Variants in GRB2 observed in about 807,000 individuals in gnomAD.
GRB2 encodes growth factor receptor bound protein 2.
GRB2 carries 2 observed loss-of-function variants against 27.4 expected under a neutral mutation model. The observed-to-expected ratio is 0.07, with a 90% confidence interval of 0.03 to 0.23. The LOEUF (loss-of-function observed/expected upper bound fraction) is 0.23, where lower values mean the gene tolerates loss of function less well. Among genes scored for constraint, GRB2 ranks in the 10% least tolerant of loss-of-function variants. The probability of loss-of-function intolerance (pLI) is 1.00; values close to 1 mark genes in which losing one functional copy is unlikely to be tolerated. For missense variants in GRB2, 102 were observed against 282.4 expected (o/e 0.36, Z 4.58); for synonymous variants, 94 against 99.6 (o/e 0.94, Z 0.33).
intron 3 of GRB2, among the ~76,000 whole-genome samples, chr17:75,330,668 C>T (rs546698102): frequency 1.3e-5 from 2 of 151,250 alleles, no homozygotes; most frequent in South Asian, 2.1e-4. Flanking sequence ...AGCAGGATTC[C>T]GTCTCATAAA....
chr17:75,380,329 AAACT>A (rs779401467), intron 2 of GRB2, among the ~76,000 whole-genome samples: 3 of 144,760 alleles, frequency 2.1e-5, no homozygotes, highest in Non-Finnish European at 3.1e-5. Flanking sequence ...TCTGATTACA[AAACT>A]AATAGCTTGT....
At chr17:75,393,909 C>CT (rs1378450030) in intron 1 of GRB2, 144 bp from the exon 2 acceptor site, 6 of 486,998 alleles carry the variant, frequency 1.2e-5, no homozygotes, top group Non-Finnish European at 2.2e-5. Context: ...AACAGCCCCC[C>CT]CCCGCCGACT....
chr17:75,367,731 A>G (rs898397328), intron 2 of GRB2, among the ~76,000 whole-genome samples: 1 of 152,206 alleles, frequency 6.6e-6, no homozygotes, highest in Non-Finnish European at 1.5e-5. Flanking sequence ...CCTTTCTCCA[A>G]TTAGATAATT....
chr17:75,326,494 G>A (rs2078499604), intron 3 of GRB2, among the ~76,000 whole-genome samples: 1 of 152,232 alleles, frequency 6.6e-6, no homozygotes, highest in Non-Finnish European at 1.5e-5. Context: ...CCAGGAGCTG[G>A]AGGCAGGGTT....
rs574053549 is a variant in GRB2 at position 75,344,943 on chromosome 17, G to T, written c.79-12146C>A. 2.6e-4 allele frequency among the ~76,000 whole-genome samples: 40 copies of T among 151,884 alleles called. No homozygotes were observed. In the East Asian group the frequency reaches 7.8e-3, roughly 30 times the overall value. The stretch of plus-strand genomic sequence containing the variant: ...CTGTGTGTCAGTTCCACCCTCTAAG[G>T]TCTCCACTCACTTCCCACTGCCTCA... On this transcript the variant is annotated intron_variant, in intron 2 of 5. Transcript: ENST00000316804.
At chr17:75,395,154 T>G (rs2079022017) in intron 1 of GRB2, among the ~76,000 whole-genome samples, 2 of 152,160 alleles carry the variant, frequency 1.3e-5, no homozygotes, top group African/African-American at 4.8e-5. Context: ...TAGCTGCAAA[T>G]GGACCAAGTA....
At chr17:75,379,906 T>C (rs905225020) in intron 2 of GRB2, among the ~76,000 whole-genome samples, 1 of 152,236 alleles carries the variant, frequency 6.6e-6, no homozygotes, top group Non-Finnish European at 1.5e-5. Context: ...TTAGTAATTT[T>C]AATGCAGTGT....
intron 5 of GRB2, among the ~76,000 whole-genome samples, chr17:75,321,325 C>T (rs879356802): frequency 1.3e-5 from 2 of 151,836 alleles, no homozygotes; most frequent in African/African-American, 4.8e-5. Flanking sequence ...TGCAGGTGTG[C>T]GCCACCACAT....
chr17:75,354,277 G>GGA (rs1208795584), intron 2 of GRB2, among the ~76,000 whole-genome samples: 1 of 110,192 alleles, frequency 9.1e-6, no homozygotes, highest in African/African-American at 3.4e-5. Flanking sequence ...GGGGGGGGGG[G>GGA]AGATGGAGTT....
At chr17:75,325,680 C>T (rs2078494437) in intron 4 of GRB2, among the ~76,000 whole-genome samples, 1 of 152,240 alleles carries the variant, frequency 6.6e-6, no homozygotes, top group Non-Finnish European at 1.5e-5. Flanking sequence ...GGAGCTGCTG[C>T]TCACCTCCTG....
intron 2 of GRB2, among the ~76,000 whole-genome samples, chr17:75,359,817 T>G (rs1224639090): frequency 6.6e-6 from 1 of 152,194 alleles, no homozygotes; most frequent in Non-Finnish European, 1.5e-5. Flanking sequence ...TGTATACCTG[T>G]CTCAATATAC....
intron 2 of GRB2, among the ~76,000 whole-genome samples, chr17:75,386,341 ACT>A (rs1156299161): frequency 1.3e-5 from 2 of 151,992 alleles, no homozygotes; most frequent in African/African-American, 4.8e-5. Flanking sequence ...CTGGTCGCAA[ACT>A]CTGACCTCAA....
intron 2 of GRB2, among the ~76,000 whole-genome samples, chr17:75,342,471 T>C (rs941659936): frequency 2.0e-5 from 3 of 152,106 alleles, no homozygotes; most frequent in Admixed American, 6.6e-5. Flanking sequence ...GGTCTTCATA[T>C]GATGCCCCGG....
At chr17:75,357,975 G>A (rs1315431052) in intron 2 of GRB2, among the ~76,000 whole-genome samples, 2 of 152,200 alleles carry the variant, frequency 1.3e-5, no homozygotes, top group African/African-American at 2.4e-5. Context: ...GCGCGTGCCT[G>A]TAGTCCCAGC....
At chr17:75,378,163 G>T (rs917363890) in intron 2 of GRB2, among the ~76,000 whole-genome samples, 2 of 152,098 alleles carry the variant, frequency 1.3e-5, no homozygotes, top group African/African-American at 2.4e-5. Context: ...AGGTGGGGGG[G>T]AGGATCACCT....
intron 2 of GRB2, among the ~76,000 whole-genome samples, chr17:75,369,683 T>A (rs1340046106): frequency 2.8e-5 from 3 of 107,056 alleles, no homozygotes; most frequent in African/African-American, 5.6e-5. Flanking sequence ...GGTGAAACCG[T>A]CTCCACCAAA....
At chr17:75,353,953 T>C (rs1157499521) in intron 2 of GRB2, among the ~76,000 whole-genome samples, 3 of 151,454 alleles carry the variant, frequency 2.0e-5, no homozygotes. Flanking sequence ...GGCAGGAGAA[T>C]TGCTTGGACC....
intron 2 of GRB2, among the ~76,000 whole-genome samples, chr17:75,388,637 C>T (rs1017484663): frequency 5.4e-5 from 8 of 149,458 alleles, no homozygotes; most frequent in African/African-American, 1.2e-4. Flanking sequence ...GATGGGGTCT[C>T]GCTTTGTTGC....
intron 2 of GRB2, among the ~76,000 whole-genome samples, chr17:75,375,068 A>G (rs2145858016): frequency 6.6e-6 from 1 of 151,196 alleles, no homozygotes; most frequent in Non-Finnish European, 1.5e-5. Flanking sequence ...GCTAATTTAA[A>G]CATTTTTGGT....
Sources: allele counts gnomAD v4.1 joint callset (sites outside exome capture counted in the v4.1 genomes callset), GRCh38; gene constraint gnomAD v4.1.1; transcripts MANE v1.5; gene names NCBI Gene and HGNC (gene_info 2026-07-23, HGNC 2026-07-21).